ASH1L: variants seen among roughly 807,000 people sequenced by gnomAD.
ASH1L encodes the protein histone-lysine N-methyltransferase ASH1L.
ASH1L carries 23 observed loss-of-function variants against 269.0 expected under a neutral mutation model. That is an observed-to-expected ratio of 0.09 (90% CI 0.06 to 0.12). The LOEUF is 0.12. Ranked by LOEUF, ASH1L falls within the 10% of genes least tolerant of loss-of-function variation. The pLI, the probability that ASH1L is intolerant of heterozygous loss-of-function variation, is 1.00. For synonymous variants in ASH1L, 1,187 were observed against 1,253.5 expected, an observed-to-expected ratio of 0.95 and a Z score of 1.12; for missense variants, 2,912 against 3,567.8, an observed-to-expected ratio of 0.82 and a Z score of 4.68.
intron 12 of ASH1L, among the ~76,000 whole-genome samples, chr1:155,369,426 A>G (rs1167805192): frequency 3.9e-5 from 6 of 152,054 alleles, no homozygotes; most frequent in Non-Finnish European, 7.4e-5. Flanking sequence ...CAGCCTGGGC[A>G]ACAGAGCGAG....
intron 2 of ASH1L, among the ~76,000 whole-genome samples, chr1:155,502,395 T>G (rs1667575509): frequency 1.3e-5 from 2 of 152,128 alleles, no homozygotes; most frequent in Non-Finnish European, 2.9e-5. Flanking sequence ...AGCAAAATCT[T>G]AGGAATAAGG....
chr1:155,365,644 AT>A (rs1180550357), intron 12 of ASH1L, among the ~76,000 whole-genome samples: 1 of 152,152 alleles, frequency 6.6e-6, no homozygotes, highest in Non-Finnish European at 1.5e-5. Flanking sequence ...GAAACTGGTT[AT>A]TTTACCAAGG....
At chr1:155,339,003 T>C (rs565944791) in intron 26 of ASH1L, among the ~76,000 whole-genome samples, 1 of 152,336 alleles carries the variant, frequency 6.6e-6, no homozygotes, top group African/African-American at 2.4e-5. Flanking sequence ...ATCTGTTCCT[T>C]GATAGAGGTA....
Position 155,549,280 on chromosome 1 carries a change from T to C in ASH1L, c.-100+12873A>G, listed in dbSNP as rs532329939. Among the ~76,000 whole-genome samples the C allele has an allele frequency of 2.4e-4, 36 of 152,062 alleles. 1 individual carries two copies. Among genetic ancestry groups the C allele is most frequent in the Non-Finnish European group, 2.4e-4 (16 of 68,004 alleles). ...ATAGCTTTACCTGAGGAGTTTGAGGTTGCAGTGAGCTATGGCCATGCCACT... is the reference window on the plus strand; with the variant it reads ...ATAGCTTTACCTGAGGAGTTTGAGGCTGCAGTGAGCTATGGCCATGCCACT... On this transcript the variant is annotated intron_variant, in intron 1 of 27. Transcript: ENST00000392403.
At chr1:155,403,238 G>A (rs111626343) in intron 6 of ASH1L, among the ~76,000 whole-genome samples, 7,147 of 151,788 alleles carry the variant, frequency 0.047, 583 homozygotes, top group African/African-American at 0.17. Flanking sequence ...CCAGCCTTTT[G>A]GAGGTTGCAG....
intron 6 of ASH1L, chr1:155,396,092 A>G (rs1466658179): frequency 1.3e-5 from 2 of 152,020 alleles, no homozygotes; most frequent in Admixed American, 1.3e-4. Context: ...ATTCTATATT[A>G]TTCTCTTGCT....
rs776344909 is a variant in ASH1L at position 155,480,329 on chromosome 1, T to C, written c.2541A>G (p.Leu847=). 6.2e-7 allele frequency: 1 copy of C among 1,613,786 alleles called. No individual in the cohort carries two copies. The highest frequency in any genetic ancestry group is 1.7e-5 in the Admixed American group (1 of 59,966). ...PQLEGPPKRT[L]KIPASKVFSL... is the part of the protein sequence containing the mutation. Reference sequence around the variant, plus strand: ...AAAACACTTTAGAAGCAGGGATTTTTAAAGTCCTTTTAGGTGGCCCTTCCA... The same window carrying C: ...AAAACACTTTAGAAGCAGGGATTTTCAAAGTCCTTTTAGGTGGCCCTTCCA... The change falls in exon 3 of 28, where the codon TTA becomes TTG. Residue 847 remains leucine (L), a synonymous_variant. Coordinates refer to ENST00000392403, the MANE Select transcript of ASH1L (RefSeq NM_018489.3).
chr1:155,540,499 G>A (rs1450290497), intron 1 of ASH1L, among the ~76,000 whole-genome samples: 1 of 152,198 alleles, frequency 6.6e-6, no homozygotes, highest in Admixed American at 6.6e-5. Context: ...GCTGGGTGCA[G>A]TTACTCAAAC....
At chr1:155,552,875 T>C (rs1041314728) in intron 1 of ASH1L, among the ~76,000 whole-genome samples, 1 of 152,108 alleles carries the variant, frequency 6.6e-6, no homozygotes, top group Non-Finnish European at 1.5e-5. Context: ...ATGAAGAAAA[T>C]AAATAACTAA....
intron 3 of ASH1L, among the ~76,000 whole-genome samples, chr1:155,466,603 T>C (rs986111368): frequency 6.6e-6 from 1 of 152,220 alleles, no homozygotes; most frequent in Non-Finnish European, 1.5e-5. Flanking sequence ...TACATATTTA[T>C]TGGGTACATG....
intron 4 of ASH1L, among the ~76,000 whole-genome samples, chr1:155,446,035 C>CTT (rs77905341): frequency 3.9e-4 from 47 of 119,998 alleles, no homozygotes; most frequent in Admixed American, 2.0e-3. Context: ...CTACACTGTA[C>CTT]TTTTTTTTTT....
chr1:155,403,674 C>A (rs1273256632), intron 6 of ASH1L, among the ~76,000 whole-genome samples: 1 of 151,910 alleles, frequency 6.6e-6, no homozygotes, highest in Non-Finnish European at 1.5e-5. Context: ...TGAAAAAATT[C>A]CAAATATATT....
intron 5 of ASH1L, among the ~76,000 whole-genome samples, chr1:155,426,923 C>A (rs932908249): frequency 6.6e-6 from 1 of 152,032 alleles, no homozygotes; most frequent in African/African-American, 2.4e-5. Flanking sequence ...TCCTTCTGAT[C>A]CCCAGGGATT....
chr1:155,370,940 C>T lies in ASH1L; in HGVS notation c.6376G>A (p.Glu2126Lys). The change falls in exon 11 of 28, where the codon GAG becomes AAG. Residue 2126 changes from glutamate to lysine, a missense_variant. Transcript: ENST00000392403. ...ECSPNTCPCG[E>K]QCCNQRIQRH... Reference sequence around the variant, plus strand: ...TGTATCCTCTGGTTACAGCATTGCTCGCCACATGGGCAAGTGTTGGGGGAA... The same window carrying T: ...TGTATCCTCTGGTTACAGCATTGCTTGCCACATGGGCAAGTGTTGGGGGAA... 1.9e-6 allele frequency: 3 copies of T among 1,614,088 alleles called. No individual in the cohort carries two copies. Among genetic ancestry groups the T allele is most frequent in the African/African-American group, 1.3e-5 (1 of 75,004 alleles).
At position 155,478,089 on chromosome 1, in the gene ASH1L, T is replaced by G. The variant is rs1159466035; in HGVS notation, c.4781A>C (p.Asn1594Thr). 4 of 1,613,922 alleles carry G rather than the reference T, an allele frequency of 2.5e-6. No individual in the cohort carries two copies. The highest frequency in any genetic ancestry group is 3.3e-5 in the Admixed American group (2 of 59,984). Reference protein sequence around the residue: ...PSLSLGGFTPNSEPASSDEHT... With the variant: ...PSLSLGGFTPTSEPASSDEHT... ...TTCATCACTGCTGGCTGGCTCAGAG[T>G]TGGGAGTGAATCCTCCAAGGGATAA... The change falls in exon 3 of 28, where the codon AAC becomes ACC. Residue 1594 changes from asparagine (N) to threonine (T), a missense_variant. Transcript: ENST00000392403. The surrounding 1 kb of genome is among the most constrained non-coding windows in gnomAD (Gnocchi z 4.6).
chr1:155,452,916 C>CA (rs1194445098), intron 4 of ASH1L, among the ~76,000 whole-genome samples: 1 of 152,160 alleles, frequency 6.6e-6, no homozygotes, highest in Non-Finnish European at 1.5e-5. Flanking sequence ...AGTTGGTAGT[C>CA]AGAGTTCAAA....
chr1:155,502,291 C>T (rs1667563904), intron 2 of ASH1L, among the ~76,000 whole-genome samples: 1 of 151,808 alleles, frequency 6.6e-6, no homozygotes, highest in Non-Finnish European at 1.5e-5. Flanking sequence ...AGGATAGTCT[C>T]GATCTCTTGA....
At chr1:155,486,676 A>G (rs1666348015) in intron 2 of ASH1L, among the ~76,000 whole-genome samples, 1 of 152,158 alleles carries the variant, frequency 6.6e-6, no homozygotes, top group Non-Finnish European at 1.5e-5. Flanking sequence ...TGTATCCACA[A>G]AAATTAAAAA....
At chr1:155,388,202 C>T (rs1241021653) in intron 7 of ASH1L, among the ~76,000 whole-genome samples, 1 of 152,164 alleles carries the variant, frequency 6.6e-6, no homozygotes, top group African/African-American at 2.4e-5. Context: ...TGCATTTCAA[C>T]AGAAAATTCA....
Sources: gnomAD v4.1 joint callset for allele counts (sites outside exome capture counted in the v4.1 genomes callset) on GRCh38, gnomAD v4.1.1 for gene constraint, Gnocchi (gnomAD v3.1) non-coding constraint, MANE v1.5 for transcripts, NCBI Gene and HGNC (gene_info 2026-07-23, HGNC 2026-07-21) for gene names.